Variants in HECA observed in about 807,000 individuals in gnomAD.
HECA encodes headcase protein homolog.
HECA carries 13 observed loss-of-function variants against 37.6 expected under a neutral mutation model. The ratio of observed to expected loss-of-function variants is 0.35; its 90% CI spans 0.23 to 0.55. HECA has a LOEUF of 0.55. Ranked by LOEUF, HECA falls within the 20% of genes least tolerant of loss-of-function variation. HECA has a pLI of 0.90. For missense variants in HECA, 527 were observed against 701.9 expected, an observed-to-expected ratio of 0.75 and a Z score of 2.82; for synonymous variants, 307 against 291.5, an observed-to-expected ratio of 1.05 and a Z score of -0.54.
chr6:139,174,509 C>T lies in HECA; in HGVS notation c.1437C>T (p.Tyr479=), dbSNP rs768154483. Residue 479 remains tyrosine, a synonymous_variant, in exon 3 of 4, where the codon TAC becomes TAT. Transcript: ENST00000367658. ...ACCAGCTGGGCACTATGTACACCTA[C>T]GACATCCTGGCTGCCTCTCCATGTT... ...SWHQLGTMYT[Y]DILAASPCCQ... The T allele has an allele frequency of 8.7e-6, 14 of 1,613,808 alleles. No homozygotes were observed. The highest frequency in any genetic ancestry group is 4.5e-5 in the East Asian group (2 of 44,896).
intron 1 of HECA, among the ~76,000 whole-genome samples, chr6:139,152,443 T>TGTGTGTGA (rs899858229): frequency 2.0e-5 from 3 of 152,022 alleles, no homozygotes; most frequent in African/African-American, 4.8e-5. Flanking sequence ...TGTGTGTGTG[T>TGTGTGTGA]GTAGCTTCCA....
intron 1 of HECA, among the ~76,000 whole-genome samples, chr6:139,156,946 G>T (rs1490661778): frequency 6.6e-6 from 1 of 152,182 alleles, no homozygotes; most frequent in Non-Finnish European, 1.5e-5. Context: ...CTTGGATCTC[G>T]CACAAGAAAG....
chr6:139,141,317 A>G (rs1774510212), intron 1 of HECA, among the ~76,000 whole-genome samples: 1 of 152,340 alleles, frequency 6.6e-6, no homozygotes, highest in African/African-American at 2.4e-5. Context: ...TAGTTTCTGC[A>G]AAAAGAAGAT....
intron 2 of HECA, among the ~76,000 whole-genome samples, chr6:139,172,528 C>T (rs995675540): frequency 1.3e-5 from 2 of 152,166 alleles, no homozygotes; most frequent in Admixed American, 1.3e-4. Context: ...TTAAGAAGTT[C>T]TTATTGGGCT....
intron 1 of HECA, among the ~76,000 whole-genome samples, chr6:139,163,334 A>G (rs1021798258): frequency 2.7e-5 from 4 of 147,980 alleles, no homozygotes; most frequent in Middle Eastern, 3.6e-3. Context: ...GCTCTGGGAC[A>G]TTTTGCAGTT....
At chr6:139,154,910 A>G (rs995132111) in intron 1 of HECA, among the ~76,000 whole-genome samples, 3 of 152,344 alleles carry the variant, frequency 2.0e-5, no homozygotes, top group Non-Finnish European at 4.4e-5. Context: ...CTAAGCAAGG[A>G]TAATATTGGA....
At chr6:139,171,496 C>G (rs1439514150) in intron 2 of HECA, among the ~76,000 whole-genome samples, 1 of 152,208 alleles carries the variant, frequency 6.6e-6, no homozygotes, top group Admixed American at 6.5e-5. Context: ...CAAGTGAGGC[C>G]TTGACCACAT....
intron 1 of HECA, among the ~76,000 whole-genome samples, chr6:139,156,630 A>G (rs77728507): frequency 0.029 from 4,407 of 152,340 alleles, 199 homozygotes; most frequent in African/African-American, 0.1. Context: ...ACATGCTGTT[A>G]ATTTATGAAA....
At chr6:139,140,774 T>C (rs1444530446) in intron 1 of HECA, among the ~76,000 whole-genome samples, 3 of 152,200 alleles carry the variant, frequency 2.0e-5, no homozygotes, top group African/African-American at 7.2e-5. Flanking sequence ...TCCTAACTGA[T>C]TTTGATCAGC....
rs769303187 is a variant in HECA, at chr6:139,166,609, C to T, written c.597C>T (p.Asp199=). 8 of 1,614,028 alleles carry T rather than the reference C, an allele frequency of 5.0e-6. No individual in the cohort carries two copies. The highest frequency in any genetic ancestry group is 1.3e-5 in the African/African-American group (1 of 74,910). The part of the protein sequence containing the change: ...TDWYQVKRMQ[D]EKKKKSGSEK... ...GGTATCAGGTGAAGCGGATGCAGGA[C>T]GAGAAAAAGAAGAAGTCTGGCTCCG... is the stretch of plus-strand genomic sequence containing the variant. Residue 199 remains aspartate (D), a synonymous_variant, in exon 2 of 4, where the codon GAC becomes GAT. Transcript: ENST00000367658.
intron 3 of HECA, among the ~76,000 whole-genome samples, chr6:139,174,936 A>G (rs1258305456): frequency 3.3e-5 from 5 of 152,184 alleles, no homozygotes; most frequent in African/African-American, 1.2e-4. Flanking sequence ...TGATTAGCTT[A>G]TAGTAAATTT....
rs1774415728 is a variant in HECA at position 139,135,294 on chromosome 6, C to G, written c.-103C>G. 3.1e-6 allele frequency: 3 copies of G among 975,588 alleles called. No individual in the cohort carries two copies. In the Admixed American group the frequency reaches 1.5e-4, roughly 49 times the overall value. 60.4% of individuals were successfully genotyped at this position (975,588 alleles called of 1,614,324 possible). ...CGAGGGAACCGCCGGCTCGCGCCCT[C>G]CGTTCTTTCCCGGAGCCGGCTTCAC... On this transcript the variant is annotated 5_prime_UTR_variant, in exon 1 of 4. Coordinates refer to ENST00000367658, the MANE Select transcript of HECA (RefSeq NM_016217.3).
chr6:139,149,804 G>A (rs1213638868), intron 1 of HECA, among the ~76,000 whole-genome samples: 1 of 152,228 alleles, frequency 6.6e-6, no homozygotes, highest in Non-Finnish European at 1.5e-5. Flanking sequence ...AGGAGAAACT[G>A]AGGCAACCGA....
chr6:139,136,268 A>T (rs1265391629), intron 1 of HECA, among the ~76,000 whole-genome samples: 14 of 6,424 alleles, frequency 2.2e-3, no homozygotes, highest in Non-Finnish European at 5.4e-3. Flanking sequence ...GCCCGGAGTT[A>T]AAAAAAAAAA....
Position 139,167,270 on chromosome 6 carries a change from C to T in HECA, c.1258C>T (p.Leu420=), listed in dbSNP as rs927899185. 7 of 1,612,648 alleles carry T rather than the reference C, an allele frequency of 4.3e-6. No homozygotes were observed. The African/African-American group carries it at 9.3e-5, about 22-fold the overall frequency. ...CCCACTGGTGGATGGAACTTTGTTC[C>T]TAAGCCCGTCGAGACATGATGAGAT... The part of the protein sequence containing the change: ...QFPLVDGTLF[L]SPSRHDEIEY... Residue 420 remains leucine (L), a synonymous_variant, in exon 2 of 4, where the codon CTA becomes TTA. Transcript: ENST00000367658.
At chr6:139,172,389 G>T (rs913702900) in intron 2 of HECA, among the ~76,000 whole-genome samples, 11 of 152,204 alleles carry the variant, frequency 7.2e-5, no homozygotes, top group Non-Finnish European at 1.6e-4. Context: ...GCCCTTTCTG[G>T]ATTACTACTC....
At chr6:139,148,729 A>G (rs527421579) in intron 1 of HECA, among the ~76,000 whole-genome samples, 1 of 152,202 alleles carries the variant, frequency 6.6e-6, no homozygotes, top group South Asian at 2.1e-4. Flanking sequence ...TCATGCCTCT[A>G]AACTCCAGCC....
At position 139,180,170 on chromosome 6, in the gene HECA, G is replaced by C. The variant is rs1403663130; in HGVS notation, c.*3065G>C. 1 of 152,178 alleles carries C rather than the reference G, an allele frequency of 6.6e-6. No individual in the cohort carries two copies. The highest frequency in any genetic ancestry group is 1.5e-5 in the Non-Finnish European group (1 of 68,026). The allele number at this position is 152,178 out of a possible 1,614,324, so 9.4% of individuals were successfully genotyped here. On this transcript the variant is annotated 3_prime_UTR_variant, in exon 4 of 4. Coordinates refer to ENST00000367658, the MANE Select transcript of HECA (RefSeq NM_016217.3). The stretch of plus-strand genomic sequence containing the variant: ...TCCTTAAATGCCCTTTAACTTCTAG[G>C]TTTTGTTCAAGAAGTTCATTTTCTG...
chr6:139,159,397 CACTT>C (rs1439026071), intron 1 of HECA: 5 of 152,164 alleles, frequency 3.3e-5, no homozygotes, highest in African/African-American at 1.2e-4. Context: ...ATAACCAGTT[CACTT>C]TTACACAGCT....
Sources: gnomAD v4.1 joint callset for allele counts (sites outside exome capture counted in the v4.1 genomes callset) on GRCh38, gnomAD v4.1.1 for gene constraint, MANE v1.5 for transcripts, NCBI Gene and HGNC (gene_info 2026-07-23, HGNC 2026-07-21) for gene names.